DEPDC4: variants seen among roughly 807,000 people sequenced by gnomAD.
DEPDC4 encodes DEP domain containing 4, also known as DEP domain-containing protein 4.
Under a neutral mutation model 52.0 loss-of-function variants are expected in DEPDC4, and 52 were observed. The observed-to-expected ratio is 1.00, with a 90% CI of 0.80 to 1.26. The LOEUF is 1.26. DEPDC4 is among the 50% of genes most tolerant of loss of function. The pLI is 0.00. For missense variants in DEPDC4, 530 were observed against 546.9 expected (o/e 0.97, Z 0.31); for synonymous variants, 201 against 196.8 (o/e 1.02, Z -0.18).
the DEPDC4 span, among the ~76,000 whole-genome samples, chr12:100,273,959 A>T: frequency 6.6e-6 from 1 of 152,214 alleles, no homozygotes. Context: ...TTTAAATAGA[A>T]TTTTGTATCC....
At chr12:100,270,692 C>G (rs2096286692), upstream of DEPDC4, among the ~76,000 whole-genome samples, 1 of 146,576 alleles carries the variant, frequency 6.8e-6, no homozygotes, top group African/African-American at 2.5e-5. Context: ...CCAGGCTGGT[C>G]TCGAACTCCT....
At chr12:100,259,394 A>C (rs2096246065) in intron 3 of DEPDC4, among the ~76,000 whole-genome samples, 1 of 152,200 alleles carries the variant, frequency 6.6e-6, no homozygotes, top group African/African-American at 2.4e-5. Context: ...TAAGTGTTGG[A>C]GTGTTTGTAG....
In DEPDC4 at chr12:100,240,608, T is replaced by A; in HGVS notation, c.*1284A>T. On this transcript the variant is annotated 3_prime_UTR_variant, in exon 10 of 10. Coordinates refer to ENST00000550587, the MANE Select transcript of DEPDC4 (RefSeq NM_001364818.2). ...GCAGGCAAGAAAAAAGTGAAAGAGCTGGAAAGAGAGAGAGAAAGAGGAAAG... is the reference window on the plus strand; with the variant it reads ...GCAGGCAAGAAAAAAGTGAAAGAGCAGGAAAGAGAGAGAGAAAGAGGAAAG... 6.7e-6 allele frequency among the ~76,000 whole-genome samples: 1 copy of A among 149,140 alleles called. No individual in the cohort carries two copies. The highest frequency in any genetic ancestry group is 2.5e-5 in the African/African-American group (1 of 40,090).
intron 3 of DEPDC4, among the ~76,000 whole-genome samples, chr12:100,260,252 C>G (rs906782354): frequency 4.0e-5 from 6 of 151,774 alleles, no homozygotes; most frequent in Non-Finnish European, 7.4e-5. Context: ...TCCAGAGTAG[C>G]TAGGATTATA....
At chr12:100,238,781 C>T (rs1359287887), downstream of DEPDC4, among the ~76,000 whole-genome samples, 1 of 152,070 alleles carries the variant, frequency 6.6e-6, no homozygotes. Context: ...GCCACCACAT[C>T]CAGCCAATGC....
chr12:100,255,955 T>C (rs772154716), intron 4 of DEPDC4, 94 bp downstream of exon 4: 2 of 875,490 alleles, frequency 2.3e-6, no homozygotes, highest in Non-Finnish European at 3.5e-6. Flanking sequence ...TATAAGCTTA[T>C]AACATGAATA....
At chr12:100,232,825 G>C (rs1460941415) in intron 9 of DEPDC4, among the ~76,000 whole-genome samples, 3 of 151,360 alleles carry the variant, frequency 2.0e-5, no homozygotes, top group African/African-American at 4.9e-5. Flanking sequence ...AGGAGGTTGT[G>C]GTGAGCCGAG....
At chr12:100,234,507 T>TG (rs534344550) in intron 9 of DEPDC4, among the ~76,000 whole-genome samples, 1 of 152,134 alleles carries the variant, frequency 6.6e-6, no homozygotes, top group South Asian at 2.1e-4. Flanking sequence ...ATATTGACGG[T>TG]GGGGGCTTCT....
At chr12:100,265,257 G>A (rs926255594) in intron 1 of DEPDC4, among the ~76,000 whole-genome samples, 1 of 151,808 alleles carries the variant, frequency 6.6e-6, no homozygotes, top group Non-Finnish European at 1.5e-5. Context: ...CCCTGCCACT[G>A]CACTCCAGTC....
chr12:100,256,362 T>G (rs1317329407), intron 3 of DEPDC4, 136 bp from the exon 4 acceptor site: 2 of 548,300 alleles, frequency 3.6e-6, no homozygotes, highest in Non-Finnish European at 6.2e-6. Flanking sequence ...GTTAATTTAA[T>G]GCTTAGATAA....
Position 100,247,890 on chromosome 12 carries a change from G to A in DEPDC4, c.1453+1010C>T, listed in dbSNP as rs540984681. ...TTTCCAACAATTAATAATGCCTTTG[G>A]ATGATTTTTGCCCTGCCACAACCCT... On this transcript the variant is annotated intron_variant, in intron 8 of 9. Coordinates refer to ENST00000550587, the MANE Select transcript of DEPDC4 (RefSeq NM_001364818.2). Among the ~76,000 whole-genome samples the A allele has an allele frequency of 3.9e-5, 6 of 152,064 alleles. No individual in the cohort carries two copies. In the South Asian group the frequency reaches 1.2e-3, roughly 32 times the overall value.
upstream of DEPDC4, among the ~76,000 whole-genome samples, chr12:100,271,905 T>C (rs2096288056): frequency 6.6e-6 from 1 of 152,222 alleles, no homozygotes; most frequent in African/African-American, 2.4e-5. Context: ...ACCTGTTACA[T>C]TTCTTGCTGT....
At chr12:100,253,752 T>G in intron 4 of DEPDC4, 37 bp from the exon 5 acceptor site, 40 of 1,128,332 alleles carry the variant, frequency 3.5e-5, no homozygotes, top group Non-Finnish European at 4.6e-5. Flanking sequence ...AAGCAATGGT[T>G]AACATTTCCA....
chr12:100,243,051 A>G (rs2096166569), intron 8 of DEPDC4, among the ~76,000 whole-genome samples: 1 of 152,196 alleles, frequency 6.6e-6, no homozygotes, highest in South Asian at 2.1e-4. Flanking sequence ...CCTATATTAA[A>G]GTTTAATTTA....
At chr12:100,237,214 T>C (rs959985473), downstream of DEPDC4, among the ~76,000 whole-genome samples, 2 of 151,324 alleles carry the variant, frequency 1.3e-5, no homozygotes, top group African/African-American at 2.4e-5. Flanking sequence ...TTTCTTTTTT[T>C]TTTTTTTTGA....
chr12:100,252,142 T>A, intron 7 of DEPDC4, 34 bp downstream of exon 7: 1 of 1,140,496 alleles, frequency 8.8e-7, no homozygotes, highest in Non-Finnish European at 1.1e-6. Flanking sequence ...AGTAGCTTAG[T>A]AATAAATGTG....
intron 4 of DEPDC4, among the ~76,000 whole-genome samples, chr12:100,255,718 T>C (rs1357608772): frequency 1.3e-5 from 2 of 152,178 alleles, no homozygotes; most frequent in Non-Finnish European, 2.9e-5. Flanking sequence ...TACGGTTTCT[T>C]TTAGGGCAGG....
intron 3 of DEPDC4, 102 bp from the exon 4 acceptor site, chr12:100,256,328 A>G: frequency 1.3e-6 from 1 of 787,890 alleles, no homozygotes; most frequent in African/African-American, 1.7e-5. Context: ...CAAAAGTAAA[A>G]CTAGTTCAGT....
downstream of DEPDC4, among the ~76,000 whole-genome samples, chr12:100,235,557 A>C (rs1369325911): frequency 1.3e-5 from 2 of 150,674 alleles, no homozygotes; most frequent in African/African-American, 4.9e-5. Flanking sequence ...CCAAGTCCCC[A>C]AACTCCACTG....
Sources: allele counts gnomAD v4.1 joint callset (sites outside exome capture counted in the v4.1 genomes callset), GRCh38; gene constraint gnomAD v4.1.1; transcripts MANE v1.5; gene names NCBI Gene and HGNC (gene_info 2026-07-23, HGNC 2026-07-21).